LOC122539214: variants seen among roughly 807,000 people sequenced by gnomAD.
chr19:52,686,565 T>C, the LOC122539214 span, among the ~76,000 whole-genome samples: 1 of 151,608 alleles, frequency 6.6e-6, no homozygotes, highest in African/African-American at 2.4e-5. Flanking sequence ...CCCTTTTATT[T>C]TTTATTTTTT....
At chr19:52,660,110 T>C in the LOC122539214 span, among the ~76,000 whole-genome samples, 1 of 151,770 alleles carries the variant, frequency 6.6e-6, no homozygotes, top group African/African-American at 2.4e-5. Context: ...AGAATTGCGG[T>C]GGTAAGACCA....
At chr19:52,680,282 G>C in the LOC122539214 span, among the ~76,000 whole-genome samples, 3 of 152,112 alleles carry the variant, frequency 2.0e-5, no homozygotes, top group African/African-American at 4.8e-5. Context: ...TGTTTGCAGG[G>C]ACATTTTCAT....
chr19:52,676,138 G>T, the LOC122539214 span, among the ~76,000 whole-genome samples: 1 of 152,168 alleles, frequency 6.6e-6, no homozygotes, highest in Non-Finnish European at 1.5e-5. Flanking sequence ...GCGCCGCCAC[G>T]CCTGACTGGT....
the LOC122539214 span, among the ~76,000 whole-genome samples, chr19:52,683,994 G>A: frequency 2.0e-5 from 3 of 152,128 alleles, no homozygotes; most frequent in Admixed American, 1.3e-4. Flanking sequence ...AGTACACCGG[G>A]AGACCAAGGC....
chr19:52,667,406 G>C, the LOC122539214 span, among the ~76,000 whole-genome samples: 2 of 152,108 alleles, frequency 1.3e-5, no homozygotes, highest in Non-Finnish European at 1.5e-5. Flanking sequence ...AGTTATAAGA[G>C]GGAATTTATG....
the LOC122539214 span, among the ~76,000 whole-genome samples, chr19:52,677,285 A>G: frequency 6.7e-6 from 1 of 149,936 alleles, no homozygotes; most frequent in Admixed American, 6.7e-5. Context: ...TTTGAATATT[A>G]AAGACAGACA....
chr19:52,667,603 G>T, the LOC122539214 span, among the ~76,000 whole-genome samples: 1 of 152,156 alleles, frequency 6.6e-6, no homozygotes, highest in Non-Finnish European at 1.5e-5. Flanking sequence ...AAAGGTTTAA[G>T]CAAGTTTCAA....
the LOC122539214 span, among the ~76,000 whole-genome samples, chr19:52,686,765 G>A: frequency 4.6e-5 from 7 of 152,000 alleles, no homozygotes; most frequent in South Asian, 2.1e-4. Flanking sequence ...TAGAGACGGC[G>A]TTTCACCATG....
the LOC122539214 span, among the ~76,000 whole-genome samples, chr19:52,684,571 G>A: frequency 1.4e-5 from 2 of 142,368 alleles, no homozygotes; most frequent in South Asian, 2.3e-4. Context: ...AAAAAGGAAA[G>A]AAAGAAAAAG....
chr19:52,656,864 C>CAAA, the LOC122539214 span, among the ~76,000 whole-genome samples: 27,160 of 131,674 alleles, frequency 0.21, 2,964 homozygotes, highest in Non-Finnish European at 0.25. Flanking sequence ...GACTCCGTCT[C>CAAA]AAAAAAAAAA....
the LOC122539214 span, among the ~76,000 whole-genome samples, chr19:52,665,698 TAA>T: frequency 6.6e-6 from 1 of 152,264 alleles, no homozygotes; most frequent in Admixed American, 6.5e-5. Flanking sequence ...TCACTCTTTT[TAA>T]ATTAGCCAAT....
the LOC122539214 span, among the ~76,000 whole-genome samples, chr19:52,657,862 C>CTAGTTAAAACTTAAAGTATAATAATA: frequency 2.0e-5 from 3 of 150,916 alleles, no homozygotes; most frequent in African/African-American, 7.3e-5. Flanking sequence ...AAAAAACAGG[C>CTAGTTAAAACTTAAAGTATAATAATA]ATGGTGGCTC....
At chr19:52,670,470 A>G in the LOC122539214 span, among the ~76,000 whole-genome samples, 1 of 152,130 alleles carries the variant, frequency 6.6e-6, no homozygotes, top group African/African-American at 2.4e-5. Flanking sequence ...CTTCTATATA[A>G]GTAAATTGCC....
At chr19:52,688,075 A>C in the LOC122539214 span, among the ~76,000 whole-genome samples, 3 of 147,630 alleles carry the variant, frequency 2.0e-5, no homozygotes, top group Non-Finnish European at 4.5e-5. Flanking sequence ...TAATTTAATC[A>C]AGTTTTAAAT....
the LOC122539214 span, among the ~76,000 whole-genome samples, chr19:52,659,729 A>G: frequency 6.6e-6 from 1 of 152,220 alleles, no homozygotes; most frequent in Non-Finnish European, 1.5e-5. Context: ...TGCAAAAGAA[A>G]CAAATTCAAC....
chr19:52,658,687 TCTTAC>T, the LOC122539214 span, among the ~76,000 whole-genome samples: 1 of 152,338 alleles, frequency 6.6e-6, no homozygotes, highest in South Asian at 2.1e-4. Flanking sequence ...GGCACCCGGT[TCTTAC>T]CTTAGAGCAT....
At chr19:52,684,974 G>A in the LOC122539214 span, among the ~76,000 whole-genome samples, 1 of 152,204 alleles carries the variant, frequency 6.6e-6, no homozygotes, top group African/African-American at 2.4e-5. Flanking sequence ...GACATGACCT[G>A]CTTTAGATTT....
the LOC122539214 span, among the ~76,000 whole-genome samples, chr19:52,679,157 C>T: frequency 4.6e-5 from 7 of 152,248 alleles, no homozygotes; most frequent in South Asian, 2.1e-4. Flanking sequence ...AAATGAACAA[C>T]AGTTCAGTCA....
At chr19:52,656,049 G>A in the LOC122539214 span, among the ~76,000 whole-genome samples, 80,996 of 151,832 alleles carry the variant, frequency 0.53, 22,223 homozygotes, top group East Asian at 0.71. Flanking sequence ...AGTCTCTACT[G>A]AAAACACAAA....
Sources: gnomAD v4.1 joint callset for allele counts (sites outside exome capture counted in the v4.1 genomes callset) on GRCh38, gnomAD v4.1.1 for gene constraint, MANE v1.5 for transcripts.